The following DOP1A variants were observed in gnomAD, a reference collection of about 807,000 sequenced individuals.
DOP1A encodes the protein DOP1 leucine zipper like protein A, also known as protein DOP1A.
A neutral mutation model predicts 267.6 loss-of-function variants in DOP1A; 90 were observed. The observed-to-expected ratio is 0.34, with a 90% CI of 0.28 to 0.40. The LOEUF is 0.40. Ranked by LOEUF, DOP1A falls within the 10% of genes least tolerant of loss-of-function variation. The pLI is 1.00. For missense variants in DOP1A, 2,437 were observed against 2,900.4 expected (o/e 0.84, Z 3.67); for synonymous variants, 932 against 999.1 (o/e 0.93, Z 1.27).
chr6:83,170,191 G>C, downstream of DOP1A: 3 of 926,994 alleles, frequency 3.2e-6, no homozygotes, highest in South Asian at 3.4e-5. Context: ...AACCTAAAAG[G>C]CTCAACAAAA....
At chr6:83,124,491 G>T (rs1776825435) in intron 12 of DOP1A, among the ~76,000 whole-genome samples, 1 of 152,124 alleles carries the variant, frequency 6.6e-6, no homozygotes, top group Non-Finnish European at 1.5e-5. Context: ...GTACAGGATG[G>T]GAGTTACAGG....
At chr6:83,120,279 TA>T (rs1421016162) in intron 9 of DOP1A, among the ~76,000 whole-genome samples, 1 of 151,906 alleles carries the variant, frequency 6.6e-6, no homozygotes, top group Non-Finnish European at 1.5e-5. Context: ...GAAGCATTTT[TA>T]AATGAGTGAG....
intron 1 of DOP1A, among the ~76,000 whole-genome samples, chr6:83,085,757 T>C (rs1481004802): frequency 6.6e-6 from 1 of 151,560 alleles, no homozygotes; most frequent in Non-Finnish European, 1.5e-5. Flanking sequence ...AGGAAAACCA[T>C]TGATGGGTTT....
chr6:83,167,653 C>T, intron 38 of DOP1A: 1 of 1,286,310 alleles, frequency 7.8e-7, no homozygotes, highest in East Asian at 3.0e-5. Context: ...GGAACTATTA[C>T]TACAATGTTA....
rs1388628811 is a variant in DOP1A at position 83,125,229 on chromosome 6, T to G, written c.1485+34T>G. Reference sequence around the variant, plus strand: ...TTCAGCCTGTTTTGTTTTTAAATGATTCTATTTACTTTTGTTATATTATAA... The same window carrying G: ...TTCAGCCTGTTTTGTTTTTAAATGAGTCTATTTACTTTTGTTATATTATAA... On this transcript the variant is annotated intron_variant, in intron 14 of 38. Transcript: ENST00000349129. 1.9e-6 allele frequency: 3 copies of G among 1,546,584 alleles called. No individual in the cohort carries two copies. The South Asian group carries it at 3.8e-5, about 20-fold the overall frequency.
chr6:83,101,230 A>G (rs1772524277), intron 4 of DOP1A, among the ~76,000 whole-genome samples: 2 of 152,080 alleles, frequency 1.3e-5, no homozygotes, highest in Non-Finnish European at 2.9e-5. Context: ...GTTAGCCAGG[A>G]TGGTCTCGAT....
chr6:83,077,925 G>A (rs185753230), intron 1 of DOP1A, among the ~76,000 whole-genome samples: 1 of 152,270 alleles, frequency 6.6e-6, no homozygotes. Context: ...AATTTCTTGG[G>A]CCACATTCAA....
chr6:83,099,760 A>T (rs980392013), intron 3 of DOP1A, among the ~76,000 whole-genome samples: 1 of 151,738 alleles, frequency 6.6e-6, no homozygotes, highest in African/African-American at 2.4e-5. Context: ...ATACACATAC[A>T]CATATATATA....
chr6:83,069,506 C>T (rs769502379), intron 1 of DOP1A, among the ~76,000 whole-genome samples: 2 of 152,130 alleles, frequency 1.3e-5, no homozygotes, highest in Non-Finnish European at 2.9e-5. Flanking sequence ...AACTGCTGTA[C>T]TTAAGCTGAG....
chr6:83,084,969 T>G (rs1458055805), intron 1 of DOP1A, among the ~76,000 whole-genome samples: 1 of 152,194 alleles, frequency 6.6e-6, no homozygotes, highest in Non-Finnish European at 1.5e-5. Flanking sequence ...TTAATACAGA[T>G]TAAACTGAGC....
intron 38 of DOP1A, chr6:83,165,779 C>T (rs376873463): frequency 1.1e-4 from 29 of 261,166 alleles, no homozygotes; most frequent in East Asian, 1.1e-4. Context: ...GTGCAACGTG[C>T]GGCCCAGTGT....
chr6:83,093,664 T>G (rs1770895613), intron 1 of DOP1A, among the ~76,000 whole-genome samples: 1 of 152,210 alleles, frequency 6.6e-6, no homozygotes, highest in South Asian at 2.1e-4. Context: ...TGCCAGCACT[T>G]TGGGAGGCCA....
Position 83,138,025 on chromosome 6 carries a change from G to A in DOP1A, c.3983G>A (p.Gly1328Asp). 6.2e-7 allele frequency: 1 copy of A among 1,610,332 alleles called. No individual in the cohort carries two copies. The highest frequency in any genetic ancestry group is 8.5e-7 in the Non-Finnish European group (1 of 1,178,612). ...CAAACCAGTGTATTCTTCAGTGATG[G>A]TCTGGATTTAGAGAACTGGTATAGC... Reference protein sequence around the residue: ...LKQTSVFFSDGLDLENWYSCG... With the variant: ...LKQTSVFFSDDLDLENWYSCG... Residue 1328 changes from glycine (G) to aspartate (D), a missense_variant, in exon 21 of 39, where the codon GGT becomes GAT. Transcript: ENST00000349129.
At chr6:83,130,443 G>T (rs1562335497) in intron 17 of DOP1A, 46 bp downstream of exon 17, 2 of 1,556,944 alleles carry the variant, frequency 1.3e-6, no homozygotes, top group African/African-American at 2.7e-5. Flanking sequence ...TTACAGCCAT[G>T]TATGATACTT....
In DOP1A at chr6:83,151,842, A is replaced by T. The variant is rs767903471; in HGVS notation, c.5905-41A>T. On this transcript the variant is annotated intron_variant, in intron 28 of 38. Transcript: ENST00000349129. ...CTACAGAAGTTCATAACTAGTGTGC[A>T]TGTGTGTACCATACATAGTTGTTCT... 8.8e-6 allele frequency: 14 copies of T among 1,588,072 alleles called. No homozygotes were observed. The African/African-American group carries it at 1.9e-4, about 21-fold the overall frequency.
chr6:83,132,534 A>G (rs1335469311), intron 18 of DOP1A, among the ~76,000 whole-genome samples: 10 of 152,280 alleles, frequency 6.6e-5, no homozygotes, highest in Admixed American at 5.2e-4. Flanking sequence ...AGCATCAGTA[A>G]TATGAAAAAT....
At chr6:83,074,671 G>A (rs1766731893) in intron 1 of DOP1A, among the ~76,000 whole-genome samples, 1 of 152,110 alleles carries the variant, frequency 6.6e-6, no homozygotes, top group Non-Finnish European at 1.5e-5. Flanking sequence ...GCTAATATAG[G>A]TGTTCTGAGC....
chr6:83,077,766 A>G (rs1767360952), intron 1 of DOP1A, among the ~76,000 whole-genome samples: 1 of 152,234 alleles, frequency 6.6e-6, no homozygotes, highest in Admixed American at 6.5e-5. Context: ...ATGTTTCTAA[A>G]TCAGGGGTGT....
chr6:83,110,408 G>C, intron 6 of DOP1A, 94 bp downstream of exon 6: 1 of 1,225,860 alleles, frequency 8.2e-7, no homozygotes, highest in Non-Finnish European at 1.1e-6. Flanking sequence ...AATGAACAAA[G>C]TTCCTATTTT....
Sources: allele counts gnomAD v4.1 joint callset (sites outside exome capture counted in the v4.1 genomes callset), GRCh38; gene constraint gnomAD v4.1.1; transcripts MANE v1.5; gene names NCBI Gene and HGNC (gene_info 2026-07-23, HGNC 2026-07-21).